NCOR1: variants seen among roughly 807,000 people sequenced by gnomAD.
NCOR1 encodes the protein nuclear receptor corepressor 1.
NCOR1 carries 63 observed loss-of-function variants against 288.1 expected under a neutral mutation model. The ratio of observed to expected loss-of-function variants is 0.22; its 90% CI spans 0.18 to 0.27. The LOEUF is 0.27. Among genes scored for constraint, NCOR1 ranks in the 10% least tolerant of loss-of-function variants. The pLI, the probability that NCOR1 is intolerant of heterozygous loss-of-function variation, is 1.00. For synonymous variants in NCOR1, 1,007 were observed against 1,065.9 expected (o/e 0.94, Z 1.08); for missense variants, 2,397 against 3,019.2 (o/e 0.79, Z 4.83).
chr17:16,110,317 C>A (rs576926002), intron 18 of NCOR1, among the ~76,000 whole-genome samples: 1 of 151,888 alleles, frequency 6.6e-6, no homozygotes, highest in East Asian at 1.9e-4. Context: ...GATCATGCCA[C>A]TGCACTCCAG....
chr17:16,046,465 G>C (rs2058670834), intron 42 of NCOR1, among the ~76,000 whole-genome samples: 1 of 152,192 alleles, frequency 6.6e-6, no homozygotes, highest in Non-Finnish European at 1.5e-5. Flanking sequence ...CTAGTGAAAG[G>C]CTAGGTTAAA....
At chr17:16,074,091 G>A (rs988066540) in intron 27 of NCOR1, among the ~76,000 whole-genome samples, 5 of 152,186 alleles carry the variant, frequency 3.3e-5, no homozygotes, top group Admixed American at 6.5e-5. Flanking sequence ...GAACGTAAGC[G>A]TGGTAACCGG....
chr17:16,049,132 T>C, intron 40 of NCOR1, 144 bp from the exon 41 acceptor site: 2 of 739,274 alleles, frequency 2.7e-6, no homozygotes, highest in Non-Finnish European at 4.2e-6. Flanking sequence ...GCCTCAGGTA[T>C]TCACTATATA....
In NCOR1 at chr17:16,158,882, T is replaced by A. The variant is rs190587959; in HGVS notation, c.619-9A>T. On this transcript the variant is annotated splice_polypyrimidine_tract_variant and intron_variant, in intron 5 of 45. Coordinates refer to ENST00000268712, the MANE Select transcript of NCOR1 (RefSeq NM_006311.4). ...TCTTCTTCAAGCTGTTGCTAAGAGA[T>A]CCAGAAAGAAAGAGTCAAGCATGTG... 5 of 1,605,006 alleles carry A rather than the reference T, an allele frequency of 3.1e-6. No homozygotes were observed. In the East Asian group the frequency reaches 1.1e-4, roughly 36 times the overall value.
intron 16 of NCOR1, 148 bp downstream of exon 16, chr17:16,120,904 T>G (rs2072869517): frequency 2.9e-6 from 2 of 686,116 alleles, no homozygotes; most frequent in Non-Finnish European, 4.5e-6. Flanking sequence ...TCAAAAAACT[T>G]TGACATTAAA....
intron 40 of NCOR1, 192 bp from the exon 41 acceptor site, chr17:16,049,180 C>G: frequency 2.2e-6 from 1 of 445,796 alleles, no homozygotes; most frequent in Non-Finnish European, 3.8e-6. Context: ...AAAAAAACCA[C>G]TGTGTTACTG....
chr17:16,154,319 C>A (rs2079359044), intron 6 of NCOR1, among the ~76,000 whole-genome samples: 1 of 152,164 alleles, frequency 6.6e-6, no homozygotes, highest in Non-Finnish European at 1.5e-5. Flanking sequence ...GTTCGTAATA[C>A]AATTTGTATT....
At chr17:16,199,924 G>T (rs178804) in intron 1 of NCOR1, among the ~76,000 whole-genome samples, 63,538 of 151,984 alleles carry the variant, frequency 0.42, 15,141 homozygotes, top group Middle Eastern at 0.55. Context: ...CCCAGAACTA[G>T]CCTCTTATAT....
At chr17:16,094,549 C>T (rs994506136) in intron 21 of NCOR1, among the ~76,000 whole-genome samples, 4 of 151,822 alleles carry the variant, frequency 2.6e-5, no homozygotes, top group African/African-American at 7.3e-5. Flanking sequence ...AGAGTGACTC[C>T]GGCTCCCCTC....
chr17:16,171,845 G>C lies in NCOR1; in HGVS notation c.393C>G (p.His131Gln). ...RVSAAVLPLV[H>Q]PLPEGLRASA... ...AAGCCCTCAGCCCTTCTGGCAGCGG[G>C]TGCACTAAAGGCAAAACCGCAGCAC... The change falls in exon 4 of 46, where the codon CAC (histidine) becomes CAG (glutamine). Residue 131 changes from histidine to glutamine, a missense_variant. By Grantham distance (24) the His-to-Gln change is conservative. Around this residue, in one of 11 missense-constraint regions of NCOR1, gnomAD observed 110 missense variants for 123.2 expected, o/e 0.89. Transcript: ENST00000268712. 1 of 1,611,348 alleles carries C rather than the reference G, an allele frequency of 6.2e-7. No individual in the cohort carries two copies. The highest frequency in any genetic ancestry group is 8.5e-7 in the Non-Finnish European group (1 of 1,178,964).
chr17:16,153,373 T>G lies in NCOR1; in HGVS notation c.755A>C (p.Lys252Thr), dbSNP rs767188997. The change falls in exon 7 of 46, where the codon AAA becomes ACA. Residue 252 changes from lysine (K) to threonine (T), a missense_variant. This residue lies in a region of NCOR1 where 76 missense variants were observed against 102.2 expected (regional missense o/e 0.74). Transcript: ENST00000268712. Reference protein sequence around the residue: ...ENRKKAEEAHKIFEGLGPKVE... With the variant: ...ENRKKAEEAHTIFEGLGPKVE... ...TTTTGGGCCAAGACCTTCAAAAATT[T>G]TATGAGCTTCTTCTGCTTTTTTCTA... 1 of 1,600,694 alleles carries G rather than the reference T, an allele frequency of 6.2e-7. No homozygotes were observed.
At chr17:16,138,940 T>C in intron 12 of NCOR1, 68 bp downstream of exon 12, 1 of 1,229,768 alleles carries the variant, frequency 8.1e-7, no homozygotes, top group Non-Finnish European at 1.1e-6. Flanking sequence ...AATTTACAAG[T>C]AAATGCCAAA....
At chr17:16,108,697 C>T (rs1027420725) in intron 19 of NCOR1, 89 bp downstream of exon 19, 1 of 1,144,946 alleles carries the variant, frequency 8.7e-7, no homozygotes, top group Non-Finnish European at 1.2e-6. Context: ...ACTGTTTCCT[C>T]AATGAAGCAA....
intron 18 of NCOR1, 96 bp from the exon 19 acceptor site, chr17:16,109,008 C>T: frequency 5.3e-6 from 5 of 952,326 alleles, no homozygotes; most frequent in Non-Finnish European, 7.3e-6. Flanking sequence ...CACACACACA[C>T]ACCAGACAAG....
chr17:16,066,082 C>T (rs1247495951), intron 32 of NCOR1, among the ~76,000 whole-genome samples: 4 of 152,156 alleles, frequency 2.6e-5, no homozygotes, highest in Non-Finnish European at 5.9e-5. Flanking sequence ...TTGTGGCAAT[C>T]AGTAACTTTA....
At chr17:16,195,869 T>C (rs1473244497) in intron 1 of NCOR1, among the ~76,000 whole-genome samples, 1 of 152,198 alleles carries the variant, frequency 6.6e-6, no homozygotes, top group South Asian at 2.1e-4. Flanking sequence ...TGTTTCAGGA[T>C]AGCACAAATG....
At chr17:16,108,216 A>C (rs2069203077) in intron 19 of NCOR1, 1 of 274,602 alleles carries the variant, frequency 3.6e-6, no homozygotes, top group Non-Finnish European at 7.5e-6. Context: ...AACTTTAATC[A>C]GAGTGTAAAC....
chr17:16,051,090 T>C (rs2059258459), intron 40 of NCOR1, among the ~76,000 whole-genome samples: 1 of 152,206 alleles, frequency 6.6e-6, no homozygotes, highest in African/African-American at 2.4e-5. Context: ...CCTCTCGCCT[T>C]GGTCTCCCAA....
At chr17:16,109,886 A>C (rs2069641587) in intron 18 of NCOR1, among the ~76,000 whole-genome samples, 1 of 152,130 alleles carries the variant, frequency 6.6e-6, no homozygotes, top group Admixed American at 6.5e-5. Context: ...AGCACCCGCC[A>C]CCAGGCCCAG....
Sources: gnomAD v4.1 joint callset for allele counts (sites outside exome capture counted in the v4.1 genomes callset) on GRCh38, gnomAD v4.1.1 for gene constraint, gnomAD v4.1.1 regional missense constraint, MANE v1.5 for transcripts, NCBI Gene and HGNC (gene_info 2026-07-23, HGNC 2026-07-21) for gene names.